Variants in HMX3 observed in about 807,000 individuals in gnomAD.
HMX3 encodes the protein homeobox protein HMX3.
A neutral mutation model predicts 22.8 loss-of-function variants in HMX3; 8 were observed. The ratio of observed to expected loss-of-function variants is 0.35; its 90% CI spans 0.21 to 0.63. The LOEUF is 0.63. Among genes scored for constraint, HMX3 ranks in the 30% least tolerant of loss-of-function variants. HMX3 has a pLI of 0.72. For synonymous variants in HMX3, 331 were observed against 250.9 expected (o/e 1.32, Z -3.02); for missense variants, 527 against 520.6 (o/e 1.01, Z -0.12).
At position 123,137,765 on chromosome 10, in the gene HMX3, C is replaced by T; in HGVS notation, c.*34C>T. The T allele has an allele frequency of 7.2e-7, 1 of 1,392,224 alleles. No individual in the cohort carries two copies. The highest frequency in any genetic ancestry group is 9.3e-7 in the Non-Finnish European group (1 of 1,072,100). The allele number at this position is 1,392,224 out of a possible 1,614,324, so 86.2% of individuals were successfully genotyped here. A position where few individuals can be genotyped will look rare whatever the true frequency, so the allele number is the denominator to read the frequency against. The stretch of plus-strand genomic sequence containing the variant: ...AGGGGTGGGGGAGGGAGCGCCCGGC[C>T]TCCTTGTCCGGACCCCGGAGGAGAC... On this transcript the variant is annotated 3_prime_UTR_variant, in exon 2 of 2. Transcript: ENST00000357878. The surrounding 1 kb of genome is among the most constrained non-coding windows in gnomAD (Gnocchi z 5.8).
Position 123,137,367 on chromosome 10 carries a change from G to A in HMX3, c.710G>A (p.Ser237Asn). ...KKKTRTVFSRSQVFQLESTFD... is the reference protein window; with the variant it reads ...KKKTRTVFSRNQVFQLESTFD... ...AAGACGCGCACAGTCTTCTCGCGCA[G>A]CCAGGTCTTCCAGCTCGAGTCCACC... is the stretch of plus-strand genomic sequence containing the variant. Residue 237 changes from serine (S) to asparagine (N), a missense_variant, in exon 2 of 2, where the codon AGC becomes AAC. Coordinates refer to ENST00000357878, the MANE Select transcript of HMX3 (RefSeq NM_001105574.2). The surrounding 1 kb of genome is among the most constrained non-coding windows in gnomAD (Gnocchi z 5.8). 6.2e-7 allele frequency: 1 copy of A among 1,613,334 alleles called. No individual in the cohort carries two copies.
At position 123,138,079 on chromosome 10, in the gene HMX3, T is replaced by C. The variant is rs1301144815; in HGVS notation, c.*348T>C. On this transcript the variant is annotated 3_prime_UTR_variant, in exon 2 of 2. Transcript: ENST00000357878. ...TCCAAATTTCCATTGCGCGGTGGCT[T>C]TTTGGTTTTATTTTTATAGAAGGAA... 6.6e-6 allele frequency among the ~76,000 whole-genome samples: 1 copy of C among 152,094 alleles called. No individual in the cohort carries two copies. Among genetic ancestry groups the C allele is most frequent in the Non-Finnish European group, 1.5e-5 (1 of 68,020 alleles).
rs1162946711 is a variant in HMX3 at position 123,136,442 on chromosome 10, G to T, written c.392G>T (p.Arg131Leu). The change falls in exon 1 of 2, where the codon CGA (arginine) becomes CTA (leucine). Residue 131 changes from arginine (R) to leucine (L), a missense_variant. Around this residue, in one of 3 missense-constraint regions of HMX3, gnomAD observed 386 missense variants for 337.8 expected, o/e 1.14. Coordinates refer to ENST00000357878, the MANE Select transcript of HMX3 (RefSeq NM_001105574.2). This position sits in a 1 kb window ranked among gnomAD's most constrained non-coding sequence, Gnocchi z 4.8. ...ACCCCCGCCGGCGGCCACCTCCCGCGACCTGAAGGTACCGACCTCTCTTTG... is the reference window on the plus strand; with the variant it reads ...ACCCCCGCCGGCGGCCACCTCCCGCTACCTGAAGGTACCGACCTCTCTTTG... ...TLTPAGGHLP[R>L]PEASEKALLR... The T allele has an allele frequency of 1.4e-6, 2 of 1,443,404 alleles. No individual in the cohort carries two copies. The highest frequency in any genetic ancestry group is 1.5e-5 in the South Asian group (1 of 66,788). 89.4% of individuals were successfully genotyped at this position (1,443,404 alleles called of 1,614,324 possible).
chr10:123,136,482 C>T lies in HMX3; in HGVS notation c.400+32C>T. 1 of 1,327,016 alleles carries T rather than the reference C, an allele frequency of 7.5e-7. No individual in the cohort carries two copies. Among genetic ancestry groups the T allele is most frequent in the Non-Finnish European group, 9.7e-7 (1 of 1,028,728 alleles). The allele number at this position is 1,327,016 out of a possible 1,614,324, so 82.2% of individuals were successfully genotyped here. On this transcript the variant is annotated intron_variant, in intron 1 of 1. Transcript: ENST00000357878. This position sits in a 1 kb window ranked among gnomAD's most constrained non-coding sequence, Gnocchi z 4.8. Reference sequence around the variant, plus strand: ...ACCTCTCTTTGAACTTTCGTTGTCCCCCTGCGCGCCCGCCCCGTCCCCGCC... The same window carrying T: ...ACCTCTCTTTGAACTTTCGTTGTCCTCCTGCGCGCCCGCCCCGTCCCCGCC...
At position 123,137,420 on chromosome 10, in the gene HMX3, T is replaced by A; in HGVS notation, c.763T>A (p.Ser255Thr). 2 of 1,613,322 alleles carry A rather than the reference T, an allele frequency of 1.2e-6. No homozygotes were observed. Among genetic ancestry groups the A allele is most frequent in the Admixed American group, 3.3e-5 (2 of 60,022 alleles). The change falls in exon 2 of 2, where the codon TCG becomes ACG. Residue 255 changes from serine (S) to threonine (T), a missense_variant. By Grantham distance (58) the Ser-to-Thr change is moderately conservative (BLOSUM62 1). Transcript: ENST00000357878. The surrounding 1 kb of genome is among the most constrained non-coding windows in gnomAD (Gnocchi z 5.8). ...CGACATGAAGCGCTATCTGAGCAGC[T>A]CGGAGCGAGCCGGCCTGGCCGCGTC... Reference protein sequence around the residue: ...TFDMKRYLSSSERAGLAASLH... With the variant: ...TFDMKRYLSSTERAGLAASLH...
Position 123,137,086 on chromosome 10 carries a change from C to G in HMX3, c.429C>G (p.Ser143=), listed in dbSNP as rs774230126. 26 of 1,609,974 alleles carry G rather than the reference C, an allele frequency of 1.6e-5. No individual in the cohort carries two copies. The highest frequency in any genetic ancestry group is 3.4e-5 in the Admixed American group (2 of 59,662). Residue 143 remains serine (S), a synonymous_variant, in exon 2 of 2, where the codon TCC becomes TCG. Coordinates refer to ENST00000357878, the MANE Select transcript of HMX3 (RefSeq NM_001105574.2). This position sits in a 1 kb window ranked among gnomAD's most constrained non-coding sequence, Gnocchi z 5.8. ...EASEKALLRD[S]SPASGTDRDS... is the part of the protein sequence containing the mutation. ...CGGAGAAGGCCTTGCTGAGAGACTCCTCCCCCGCCTCCGGCACAGACCGCG... is the reference window on the plus strand; with the variant it reads ...CGGAGAAGGCCTTGCTGAGAGACTCGTCCCCCGCCTCCGGCACAGACCGCG...
chr10:123,136,123 G>T lies in HMX3; in HGVS notation c.73G>T (p.Ala25Ser). ...CCAACCGCCGCCGCCCCCCCCACCC[G>T]CTCCCAAGGAGTCCCCGTTCTCCAT... ...QPQPPPPPPP[A>S]PKESPFSIKN... The change falls in exon 1 of 2, where the codon GCT (alanine) becomes TCT (serine). Residue 25 changes from alanine (A) to serine (S), a missense_variant. By Grantham distance (99) the Ala-to-Ser change is moderately conservative. This residue lies in a region of HMX3 where 386 missense variants were observed against 337.8 expected (regional missense o/e 1.14). Coordinates refer to ENST00000357878, the MANE Select transcript of HMX3 (RefSeq NM_001105574.2). The surrounding 1 kb of genome is among the most constrained non-coding windows in gnomAD (Gnocchi z 4.8). The T allele has an allele frequency of 2.1e-6, 1 of 472,162 alleles. No individual in the cohort carries two copies. The highest frequency in any genetic ancestry group is 4.0e-5 in the South Asian group (1 of 25,024). The allele number at this position is 472,162 out of a possible 1,614,324, so 29.2% of individuals were successfully genotyped here. A position where few individuals can be genotyped will look rare whatever the true frequency, so the allele number is the denominator to read the frequency against.
rs768032254 is a variant in HMX3 at position 123,137,413 on chromosome 10, G to A, written c.756G>A (p.Leu252=). 1 of 1,613,464 alleles carries A rather than the reference G, an allele frequency of 6.2e-7. No individual in the cohort carries two copies. Among genetic ancestry groups the A allele is most frequent in the South Asian group, 1.1e-5 (1 of 91,084 alleles). The change falls in exon 2 of 2, where the codon CTG becomes CTA. Residue 252 remains leucine (L), a synonymous_variant. Coordinates refer to ENST00000357878, the MANE Select transcript of HMX3 (RefSeq NM_001105574.2). The surrounding 1 kb of genome is among the most constrained non-coding windows in gnomAD (Gnocchi z 5.8). ...LESTFDMKRY[L]SSSERAGLAA... ...CCACCTTCGACATGAAGCGCTATCT[G>A]AGCAGCTCGGAGCGAGCCGGCCTGG...
rs1383288163 is a variant in HMX3, at chr10:123,139,406, A to T, written c.*1675A>T. Among the ~76,000 whole-genome samples, 1 of 152,204 alleles carries T rather than the reference A, an allele frequency of 6.6e-6. No individual in the cohort carries two copies. The highest frequency in any genetic ancestry group is 1.5e-5 in the Non-Finnish European group (1 of 68,034). ...TTGTCGTGACATTGAATTAATTAAAAAGAAAAGAAAAGCTTTACGTGTTGC... is the reference window on the plus strand; with the variant it reads ...TTGTCGTGACATTGAATTAATTAAATAGAAAAGAAAAGCTTTACGTGTTGC... On this transcript the variant is annotated 3_prime_UTR_variant, in exon 2 of 2. Coordinates refer to ENST00000357878, the MANE Select transcript of HMX3 (RefSeq NM_001105574.2).
In HMX3 at chr10:123,135,986, C is replaced by T. The variant is rs1453990403; in HGVS notation, c.-65C>T. ...TTATGGTCTGATTTCCGGCCTCTCG[C>T]CTGCTCGCCCCGCCGCCCGCCTGTC... On this transcript the variant is annotated 5_prime_UTR_variant, in exon 1 of 2. Coordinates refer to ENST00000357878, the MANE Select transcript of HMX3 (RefSeq NM_001105574.2). 2.3e-6 allele frequency: 3 copies of T among 1,298,756 alleles called. No homozygotes were observed. Among genetic ancestry groups the T allele is most frequent in the African/African-American group, 1.5e-5 (1 of 64,578 alleles). 80.5% of individuals were successfully genotyped at this position (1,298,756 alleles called of 1,614,324 possible).
Position 123,136,014 on chromosome 10 carries a change from G to A in HMX3, c.-37G>A, listed in dbSNP as rs1564773366. 7 of 1,307,526 alleles carry A rather than the reference G, an allele frequency of 5.4e-6. No individual in the cohort carries two copies. In the East Asian group the frequency reaches 9.4e-5, roughly 18 times the overall value. The allele number at this position is 1,307,526 out of a possible 1,614,324, so 81.0% of individuals were successfully genotyped here. ...GCTCGCCCCGCCGCCCGCCTGTCCC[G>A]CTCCCTCCCTCCCGGGGACCCGGAG... On this transcript the variant is annotated 5_prime_UTR_variant, in exon 1 of 2. Coordinates refer to ENST00000357878, the MANE Select transcript of HMX3 (RefSeq NM_001105574.2). This position sits in a 1 kb window ranked among gnomAD's most constrained non-coding sequence, Gnocchi z 4.8.
In HMX3 at chr10:123,136,230, GGCTGCCGCCGCCGCCGCC is replaced by G. The variant is rs1554879405; in HGVS notation, c.189_206del (p.Ala68_Ala73del). 2 of 1,335,014 alleles carry G rather than the reference GGCTGCCGCCGCCGCCGCC, an allele frequency of 1.5e-6. No homozygotes were observed. Among genetic ancestry groups the G allele is most frequent in the Non-Finnish European group, 1.9e-6 (2 of 1,046,932 alleles). 82.7% of individuals were successfully genotyped at this position (1,335,014 alleles called of 1,614,324 possible). A position where few individuals can be genotyped will look rare whatever the true frequency, so the allele number is the denominator to read the frequency against. On this transcript the variant is annotated inframe_deletion, in exon 1 of 2. Transcript: ENST00000357878. This position sits in a 1 kb window ranked among gnomAD's most constrained non-coding sequence, Gnocchi z 4.8. ...CACGGACGCTCTTCGCGCCAGCCTC[GGCTGCCGCCGCCGCCGCC>G]GCTGCCGCTGCCGCGGCGGCCAAGG...
rs1174212320 is a variant in HMX3, at chr10:123,136,757, C to G, written c.401-301C>G. ...CACGGCCTGGAAGGAGGGGGTGATT[C>G]CAATGCGCCTAAGCCGAAAGGGAAC... On this transcript the variant is annotated intron_variant, in intron 1 of 1. Transcript: ENST00000357878. This position sits in a 1 kb window ranked among gnomAD's most constrained non-coding sequence, Gnocchi z 4.8. Among the ~76,000 whole-genome samples, 2 of 152,048 alleles carry G rather than the reference C, an allele frequency of 1.3e-5. No homozygotes were observed. The highest frequency in any genetic ancestry group is 3.9e-4 in the East Asian group (2 of 5,138).
chr10:123,136,486 G>A lies in HMX3; in HGVS notation c.400+36G>A, dbSNP rs1030915021. ...CTCTTTGAACTTTCGTTGTCCCCCT[G>A]CGCGCCCGCCCCGTCCCCGCCCCGC... On this transcript the variant is annotated intron_variant, in intron 1 of 1. Coordinates refer to ENST00000357878, the MANE Select transcript of HMX3 (RefSeq NM_001105574.2). The surrounding 1 kb of genome is among the most constrained non-coding windows in gnomAD (Gnocchi z 4.8). 1.5e-6 allele frequency: 2 copies of A among 1,325,144 alleles called. No homozygotes were observed. Among genetic ancestry groups the A allele is most frequent in the Non-Finnish European group, 1.9e-6 (2 of 1,026,856 alleles). 82.1% of individuals were successfully genotyped at this position (1,325,144 alleles called of 1,614,324 possible). A position where few individuals can be genotyped will look rare whatever the true frequency, so the allele number is the denominator to read the frequency against.
In HMX3 at chr10:123,136,576, C is replaced by T; in HGVS notation, c.400+126C>T. On this transcript the variant is annotated intron_variant, in intron 1 of 1. Transcript: ENST00000357878. This position sits in a 1 kb window ranked among gnomAD's most constrained non-coding sequence, Gnocchi z 4.8. Reference sequence around the variant, plus strand: ...AACCCTCTGCTCGGTCAGTTTTTTTCGGCCCCTAGCCTGCCCTCGCGCTGG... The same window carrying T: ...AACCCTCTGCTCGGTCAGTTTTTTTTGGCCCCTAGCCTGCCCTCGCGCTGG... 2 of 728,372 alleles carry T rather than the reference C, an allele frequency of 2.7e-6. No homozygotes were observed. The highest frequency in any genetic ancestry group is 1.9e-6 in the Non-Finnish European group (1 of 512,918). The allele number at this position is 728,372 out of a possible 1,614,324, so 45.1% of individuals were successfully genotyped here.
In HMX3 at chr10:123,137,780, C is replaced by A; in HGVS notation, c.*49C>A. Reference sequence around the variant, plus strand: ...AGCGCCCGGCCTCCTTGTCCGGACCCCGGAGGAGACTGGGCCGGGCCGAGG... The same window carrying A: ...AGCGCCCGGCCTCCTTGTCCGGACCACGGAGGAGACTGGGCCGGGCCGAGG... On this transcript the variant is annotated 3_prime_UTR_variant, in exon 2 of 2. Coordinates refer to ENST00000357878, the MANE Select transcript of HMX3 (RefSeq NM_001105574.2). The surrounding 1 kb of genome is among the most constrained non-coding windows in gnomAD (Gnocchi z 5.8). 1 of 1,352,216 alleles carries A rather than the reference C, an allele frequency of 7.4e-7. No individual in the cohort carries two copies. The highest frequency in any genetic ancestry group is 1.5e-5 in the African/African-American group (1 of 65,256). The allele number at this position is 1,352,216 out of a possible 1,614,324, so 83.8% of individuals were successfully genotyped here.
Position 123,136,260 on chromosome 10 carries a change from C to G in HMX3, c.210C>G (p.Ala70=). The G allele has an allele frequency of 7.3e-7, 1 of 1,366,670 alleles. No homozygotes were observed. 84.7% of individuals were successfully genotyped at this position (1,366,670 alleles called of 1,614,324 possible). A position where few individuals can be genotyped will look rare whatever the true frequency, so the allele number is the denominator to read the frequency against. ...SAAAAAAAAA[A]AAAKGALEGA... ...CCGCCGCCGCCGCCGCTGCCGCTGCCGCGGCGGCCAAGGGGGCCCTGGAGG... is the reference window on the plus strand; with the variant it reads ...CCGCCGCCGCCGCCGCTGCCGCTGCGGCGGCGGCCAAGGGGGCCCTGGAGG... The change falls in exon 1 of 2, where the codon GCC becomes GCG. Residue 70 remains alanine (A), a synonymous_variant. Transcript: ENST00000357878. This position sits in a 1 kb window ranked among gnomAD's most constrained non-coding sequence, Gnocchi z 4.8.
Position 123,137,298 on chromosome 10 carries a change from A to C in HMX3, c.641A>C (p.Lys214Thr). 6.2e-7 allele frequency: 1 copy of C among 1,604,086 alleles called. No homozygotes were observed. The highest frequency in any genetic ancestry group is 8.5e-7 in the Non-Finnish European group (1 of 1,175,620). ...ACTCCGGGCGCAGAAGACTGGAAGAAGGGCGCTGAAAGTCCAGAGAAGAAG... is the reference window on the plus strand; with the variant it reads ...ACTCCGGGCGCAGAAGACTGGAAGACGGGCGCTGAAAGTCCAGAGAAGAAG... ...AATPGAEDWKKGAESPEKKPA... is the reference protein window; with the variant it reads ...AATPGAEDWKTGAESPEKKPA... Residue 214 changes from lysine to threonine, a missense_variant, in exon 2 of 2, where the codon AAG becomes ACG. By Grantham distance (78) the Lys-to-Thr change is moderately conservative. Around this residue, in one of 3 missense-constraint regions of HMX3, gnomAD observed 386 missense variants for 337.8 expected, o/e 1.14. Coordinates refer to ENST00000357878, the MANE Select transcript of HMX3 (RefSeq NM_001105574.2). The surrounding 1 kb of genome is among the most constrained non-coding windows in gnomAD (Gnocchi z 5.8).
rs1844076810 is a variant in HMX3, at chr10:123,136,455, C to G, written c.400+5C>G. The G allele has an allele frequency of 2.8e-6, 4 of 1,413,466 alleles. No homozygotes were observed. The South Asian group carries it at 4.9e-5, about 17-fold the overall frequency. 87.6% of individuals were successfully genotyped at this position (1,413,466 alleles called of 1,614,324 possible). On this transcript the variant is annotated splice_donor_5th_base_variant and intron_variant, in intron 1 of 1. Coordinates refer to ENST00000357878, the MANE Select transcript of HMX3 (RefSeq NM_001105574.2). This position sits in a 1 kb window ranked among gnomAD's most constrained non-coding sequence, Gnocchi z 4.8. ...GCCACCTCCCGCGACCTGAAGGTAC[C>G]GACCTCTCTTTGAACTTTCGTTGTC...
Sources: gnomAD v4.1 joint callset for allele counts (sites outside exome capture counted in the v4.1 genomes callset) on GRCh38, gnomAD v4.1.1 for gene constraint, gnomAD v4.1.1 regional missense constraint, Gnocchi (gnomAD v3.1) non-coding constraint, MANE v1.5 for transcripts, NCBI Gene and HGNC (gene_info 2026-07-23, HGNC 2026-07-21) for gene names.